Variants in GAB2 observed in about 807,000 individuals in gnomAD.
GAB2 encodes the protein GRB2-associated-binding protein 2.
GAB2 carries 26 observed loss-of-function variants against 65.5 expected under a neutral mutation model. The observed-to-expected ratio is 0.40, with a 90% CI of 0.29 to 0.55. The LOEUF is 0.55. Ranked by LOEUF, GAB2 falls within the 20% of genes least tolerant of loss-of-function variation. The probability of loss-of-function intolerance (pLI) is 0.53; values close to 1 mark genes in which losing one functional copy is unlikely to be tolerated. For synonymous variants in GAB2, 321 were observed against 329.6 expected, an observed-to-expected ratio of 0.97 and a Z score of 0.28; for missense variants, 884 against 875.8, an observed-to-expected ratio of 1.01 and a Z score of -0.12.
At chr11:78,400,065 C>T (rs1454960351) in intron 1 of GAB2, among the ~76,000 whole-genome samples, 2 of 152,154 alleles carry the variant, frequency 1.3e-5, no homozygotes, top group Admixed American at 6.5e-5. Context: ...TAAATGTCAT[C>T]CTACCATCTA....
intron 2 of GAB2, among the ~76,000 whole-genome samples, chr11:78,256,872 G>A (rs181952166): frequency 6.6e-6 from 1 of 152,282 alleles, no homozygotes; most frequent in Non-Finnish European, 1.5e-5. Flanking sequence ...TTCTTGCTGT[G>A]TAACTGACCT....
chr11:78,357,939 T>G (rs1266403136), intron 1 of GAB2, among the ~76,000 whole-genome samples: 1 of 152,294 alleles, frequency 6.6e-6, no homozygotes, highest in Admixed American at 6.5e-5. Flanking sequence ...GCCATCCCAT[T>G]ACTGGGTATA....
intron 1 of GAB2, among the ~76,000 whole-genome samples, chr11:78,359,683 GAAT>G (rs1856407898): frequency 6.6e-6 from 1 of 152,136 alleles, no homozygotes. Context: ...TGTAAAACAA[GAAT>G]ATTATTTTAA....
intron 1 of GAB2, among the ~76,000 whole-genome samples, chr11:78,317,838 GTT>G (rs765411669): frequency 6.6e-6 from 1 of 151,894 alleles, no homozygotes; most frequent in Non-Finnish European, 1.5e-5. Context: ...CTGGGCTTTG[GTT>G]TTGTCAACCA....
At chr11:78,250,961 GGA>G (rs995886850) in intron 2 of GAB2, among the ~76,000 whole-genome samples, 4 of 152,076 alleles carry the variant, frequency 2.6e-5, no homozygotes, top group African/African-American at 9.7e-5. Flanking sequence ...TAACAGGGAG[GGA>G]GAGAGGGGGA....
At chr11:78,246,104 G>A (rs1865289789) in intron 3 of GAB2, among the ~76,000 whole-genome samples, 1 of 151,344 alleles carries the variant, frequency 6.6e-6, no homozygotes, top group South Asian at 2.1e-4. Flanking sequence ...TAATTTTTTT[G>A]TATTTTTAGT....
chr11:78,310,830 C>T (rs895766735), intron 1 of GAB2, among the ~76,000 whole-genome samples: 1 of 152,094 alleles, frequency 6.6e-6, no homozygotes, highest in Admixed American at 6.5e-5. Flanking sequence ...CCTCGTATCA[C>T]CCATCAGAAA....
chr11:78,262,935 T>G (rs1476870168), intron 2 of GAB2, among the ~76,000 whole-genome samples: 1 of 152,232 alleles, frequency 6.6e-6, no homozygotes, highest in African/African-American at 2.4e-5. Flanking sequence ...CTGTATCAAC[T>G]TATTTACATA....
In GAB2 at chr11:78,364,748, A is replaced by C. The variant is rs1258911348; in HGVS notation, c.75+52898T>G. ...TAAGTTCTTCAAAAAAGCATAAACC[A>C]GGGATTTTATCAAACTTTCCTGAGA... On this transcript the variant is annotated intron_variant, in intron 1 of 9. Coordinates refer to ENST00000361507, the MANE Select transcript of GAB2 (RefSeq NM_080491.3). 2.0e-5 allele frequency among the ~76,000 whole-genome samples: 3 copies of C among 152,224 alleles called. No homozygotes were observed. In the East Asian group the frequency reaches 5.8e-4, roughly 29 times the overall value.
chr11:78,317,386 C>G (rs1292188480), intron 1 of GAB2, among the ~76,000 whole-genome samples: 6 of 151,620 alleles, frequency 4.0e-5, no homozygotes, highest in African/African-American at 1.5e-4. Flanking sequence ...ATGGTGATAC[C>G]CCATCTCTAC....
chr11:78,383,844 G>T (rs1425758338), intron 1 of GAB2, among the ~76,000 whole-genome samples: 1 of 152,130 alleles, frequency 6.6e-6, no homozygotes, highest in Non-Finnish European at 1.5e-5. Context: ...TTGAATGGGA[G>T]AAATGATCTT....
At chr11:78,365,772 A>G (rs1856488418) in intron 1 of GAB2, among the ~76,000 whole-genome samples, 2 of 152,212 alleles carry the variant, frequency 1.3e-5, no homozygotes. Flanking sequence ...GATCGCAAAA[A>G]GCCTTCATCC....
intron 1 of GAB2, among the ~76,000 whole-genome samples, chr11:78,294,888 T>G (rs1207799876): frequency 6.6e-6 from 1 of 151,964 alleles, no homozygotes; most frequent in Non-Finnish European, 1.5e-5. Flanking sequence ...AATTGACAAA[T>G]GGGATCTAAT....
chr11:78,215,540 A>AACAAG lies in GAB2; in HGVS notation c.*3727_*3731dup, dbSNP rs1219601573. 1 of 152,626 alleles carries AACAAG rather than the reference A, an allele frequency of 6.6e-6. No homozygotes were observed. The highest frequency in any genetic ancestry group is 2.4e-5 in the African/African-American group (1 of 41,470). The allele number at this position is 152,626 out of a possible 1,614,324, so 9.5% of individuals were successfully genotyped here. ...AAATTAAATGTCAATTTTAAATGGT[A>AACAAG]ACAAGACAAGAACTCAAGACTGGGC... On this transcript the variant is annotated 3_prime_UTR_variant, in exon 10 of 10. Transcript: ENST00000361507.
At chr11:78,338,951 C>T (rs1856047989) in intron 1 of GAB2, among the ~76,000 whole-genome samples, 3 of 152,000 alleles carry the variant, frequency 2.0e-5, no homozygotes, top group Admixed American at 2.0e-4. Context: ...GAGACAGAAT[C>T]TCACTCCGTT....
chr11:78,227,618 A>C (rs1315390782), intron 3 of GAB2, among the ~76,000 whole-genome samples: 2 of 130,114 alleles, frequency 1.5e-5, no homozygotes, highest in African/African-American at 6.1e-5. Context: ...ACACAATAAG[A>C]CTCCATTGCC....
chr11:78,226,048 C>G (rs1864636749), intron 4 of GAB2, among the ~76,000 whole-genome samples: 1 of 152,136 alleles, frequency 6.6e-6, no homozygotes, highest in Non-Finnish European at 1.5e-5. Flanking sequence ...ATATTAAGAC[C>G]TCGTTTTGCT....
intron 1 of GAB2, among the ~76,000 whole-genome samples, chr11:78,381,991 A>G (rs1436349499): frequency 6.6e-6 from 1 of 152,228 alleles, no homozygotes; most frequent in African/African-American, 2.4e-5. Context: ...CTCATATATC[A>G]GCTCCATTCT....
At chr11:78,388,473 T>C (rs114749422) in intron 1 of GAB2, among the ~76,000 whole-genome samples, 6,015 of 152,162 alleles carry the variant, frequency 0.04, 385 homozygotes, top group African/African-American at 0.14. Context: ...ACTACAGGGA[T>C]GTGCCACCAC....
Sources: allele counts gnomAD v4.1 joint callset (sites outside exome capture counted in the v4.1 genomes callset), GRCh38; gene constraint gnomAD v4.1.1; transcripts MANE v1.5; gene names NCBI Gene and HGNC (gene_info 2026-07-23, HGNC 2026-07-21).